Variants in AGBL1 observed in about 807,000 individuals in gnomAD.
AGBL1 encodes the protein cytosolic carboxypeptidase 4.
A neutral mutation model predicts 118.9 loss-of-function variants in AGBL1; 130 were observed. The ratio of observed to expected loss-of-function variants is 1.09; its 90% CI spans 0.95 to 1.26. The LOEUF is 1.26. Among genes scored for constraint, AGBL1 ranks in the 50% most tolerant of loss-of-function variants. AGBL1 has a pLI of 0.00. For missense variants in AGBL1, 1,584 were observed against 1,298.1 expected (o/e 1.22, Z -3.38); for synonymous variants, 555 against 478.9 (o/e 1.16, Z -2.08).
intron 16 of AGBL1, among the ~76,000 whole-genome samples, chr15:86,287,115 A>G (rs1169221503): frequency 1.3e-5 from 2 of 152,052 alleles, no homozygotes; most frequent in Non-Finnish European, 2.9e-5. Flanking sequence ...GATGTTGAAC[A>G]TATTTTTTTA....
intron 22 of AGBL1, among the ~76,000 whole-genome samples, chr15:86,684,447 C>T (rs999171231): frequency 6.7e-6 from 1 of 148,908 alleles, no homozygotes; most frequent in African/African-American, 2.5e-5. Flanking sequence ...TTAGTTAGTA[C>T]CTAGCATAGT....
intron 22 of AGBL1, among the ~76,000 whole-genome samples, chr15:86,796,573 A>C (rs951240777): frequency 1.3e-5 from 2 of 152,216 alleles, no homozygotes; most frequent in African/African-American, 4.8e-5. Flanking sequence ...TTCTACAGTC[A>C]TTCTTGCTCA....
downstream of AGBL1, among the ~76,000 whole-genome samples, chr15:86,917,619 C>T (rs41322952): frequency 0.012 from 1,827 of 152,228 alleles, 31 homozygotes; most frequent in South Asian, 0.056. The surrounding 1 kb of genome is among the most constrained non-coding windows in gnomAD (Gnocchi z 4.8). Context: ...CATTGCGAAG[C>T]GTAGAGATTC....
chr15:86,801,580 C>T (rs117836837), intron 22 of AGBL1, among the ~76,000 whole-genome samples: 17 of 152,186 alleles, frequency 1.1e-4, no homozygotes, highest in African/African-American at 2.4e-4. Flanking sequence ...TTCCCAAGAA[C>T]GTCTCTTGGC....
intron 21 of AGBL1, among the ~76,000 whole-genome samples, chr15:86,616,356 A>AT (rs2084724680): frequency 2.6e-5 from 1 of 38,490 alleles, no homozygotes; most frequent in Non-Finnish European, 6.8e-5. Flanking sequence ...AAAAAAAAAA[A>AT]AAAAAAAAAA....
At chr15:86,778,714 C>T (rs898262908) in intron 22 of AGBL1, among the ~76,000 whole-genome samples, 2 of 152,150 alleles carry the variant, frequency 1.3e-5, no homozygotes, top group African/African-American at 4.8e-5. Context: ...TGTTCAAACA[C>T]ACATGCTCTA....
At chr15:86,779,266 T>C (rs2078299115) in intron 22 of AGBL1, among the ~76,000 whole-genome samples, 1 of 152,216 alleles carries the variant, frequency 6.6e-6, no homozygotes, top group African/African-American at 2.4e-5. Context: ...GAGACAGGCC[T>C]CACCAGACAC....
At chr15:86,891,565 C>G (rs1292392321) in intron 22 of AGBL1, among the ~76,000 whole-genome samples, 1 of 140,746 alleles carries the variant, frequency 7.1e-6, no homozygotes, top group Non-Finnish European at 1.6e-5. Context: ...CACCATTCAA[C>G]AAGAAATAAT....
chr15:86,550,706 C>G (rs928422344), intron 20 of AGBL1, among the ~76,000 whole-genome samples: 8 of 151,724 alleles, frequency 5.3e-5, no homozygotes, highest in Non-Finnish European at 8.8e-5. Context: ...ATAGAATAAC[C>G]AAAAAGAAAA....
At chr15:86,873,195 CT>C (rs143599455) in intron 22 of AGBL1, among the ~76,000 whole-genome samples, 47 of 152,242 alleles carry the variant, frequency 3.1e-4, no homozygotes, top group Non-Finnish European at 6.2e-4. Flanking sequence ...AAAGTCTTAT[CT>C]TTTGCTTTTC....
intron 22 of AGBL1, among the ~76,000 whole-genome samples, chr15:86,850,911 AAGC>A (rs1439304431): frequency 3.3e-5 from 5 of 152,224 alleles, no homozygotes; most frequent in African/African-American, 1.2e-4. Flanking sequence ...ATACTGTGTG[AAGC>A]ATAATATTTT....
intron 19 of AGBL1, among the ~76,000 whole-genome samples, chr15:86,544,463 C>A (rs1292971939): frequency 1.3e-5 from 2 of 152,140 alleles, no homozygotes. Context: ...TAAAGACATA[C>A]GTGAGACTAG....
chr15:87,003,194 T>C (rs1418100372), intron 24 of AGBL1, among the ~76,000 whole-genome samples: 1 of 152,238 alleles, frequency 6.6e-6, no homozygotes, highest in Non-Finnish European at 1.5e-5. Context: ...TGAAGGGCTG[T>C]TGAATTTTGT....
chr15:86,413,965 A>G (rs1258908772), intron 18 of AGBL1, among the ~76,000 whole-genome samples: 3 of 152,174 alleles, frequency 2.0e-5, no homozygotes, highest in African/African-American at 7.2e-5. Flanking sequence ...AATGTGGTAT[A>G]AGTACACAAT....
intron 23 of AGBL1, among the ~76,000 whole-genome samples, chr15:86,958,781 A>G (rs1462094315): frequency 6.6e-6 from 1 of 152,176 alleles, no homozygotes; most frequent in Non-Finnish European, 1.5e-5. Context: ...AAGCATGAAA[A>G]CAATTTTACT....
chr15:86,446,310 G>A (rs934212584), intron 18 of AGBL1, among the ~76,000 whole-genome samples: 1 of 151,230 alleles, frequency 6.6e-6, no homozygotes, highest in African/African-American at 2.4e-5. Context: ...CTGCACAGTT[G>A]TTCTGTTCTT....
At chr15:86,567,981 C>T (rs561023650) in intron 21 of AGBL1, among the ~76,000 whole-genome samples, 2 of 152,220 alleles carry the variant, frequency 1.3e-5, no homozygotes, top group African/African-American at 4.8e-5. Flanking sequence ...TTTTTCTTCT[C>T]TTGCTTCTGA....
chr15:86,376,861 C>A (rs752754523), intron 17 of AGBL1, among the ~76,000 whole-genome samples: 3 of 152,224 alleles, frequency 2.0e-5, no homozygotes, highest in Non-Finnish European at 2.9e-5. Context: ...AAGGCAAAGG[C>A]CAGACTTATC....
chr15:86,976,267 A>C (rs116959455), intron 23 of AGBL1, among the ~76,000 whole-genome samples: 6,037 of 150,936 alleles, frequency 0.04, 148 homozygotes, highest in Middle Eastern at 0.065. Flanking sequence ...ATATATGTGA[A>C]TATGTATCCA....
Sources: gnomAD v4.1 joint callset for allele counts (sites outside exome capture counted in the v4.1 genomes callset) on GRCh38, gnomAD v4.1.1 for gene constraint, Gnocchi (gnomAD v3.1) non-coding constraint, MANE v1.5 for transcripts, NCBI Gene and HGNC (gene_info 2026-07-23, HGNC 2026-07-21) for gene names.